ZNF2: variants seen among roughly 807,000 people sequenced by gnomAD.
ZNF2 encodes zinc finger protein 2.
In ZNF2, 12 loss-of-function variants were observed where a neutral mutation model predicts 21.9. The observed-to-expected ratio is 0.55, with a 90% CI of 0.35 to 0.89. ZNF2 has a LOEUF of 0.89. ZNF2 is among the 40% of genes least tolerant of loss of function. The pLI, the probability that ZNF2 is intolerant of heterozygous loss-of-function variation, is 0.01. For missense variants in ZNF2, 462 were observed against 544.2 expected, an observed-to-expected ratio of 0.85 and a Z score of 1.50; for synonymous variants, 186 against 196.3, an observed-to-expected ratio of 0.95 and a Z score of 0.44.
intron 1 of ZNF2, among the ~76,000 whole-genome samples, chr2:95,167,117 G>A (rs770342148): frequency 4.5e-4 from 68 of 152,200 alleles, no homozygotes; most frequent in Non-Finnish European, 8.1e-4. Flanking sequence ...AGCAATTTTA[G>A]TGGTTGGAAG....
In ZNF2 at chr2:95,176,150, C is replaced by T. The variant is rs1674434159; in HGVS notation, c.-39-38C>T. On this transcript the variant is annotated intron_variant, in intron 1 of 4. Coordinates refer to ENST00000614034, the MANE Select transcript of ZNF2 (RefSeq NM_021088.4). Reference sequence around the variant, plus strand: ...ACTATGCGACAGGACTGGTCTTTCTCCTACCTTCTTTCTCACCCCCCACTT... The same window carrying T: ...ACTATGCGACAGGACTGGTCTTTCTTCTACCTTCTTTCTCACCCCCCACTT... 34 of 1,582,130 alleles carry T rather than the reference C, an allele frequency of 2.1e-5. 3 individuals are homozygous for T. The South Asian group carries it at 3.5e-4, about 16-fold the overall frequency.
intron 2 of ZNF2, 23 bp downstream of exon 2, chr2:95,176,282 C>T (rs1674442440): frequency 1.9e-6 from 3 of 1,614,100 alleles, no homozygotes; most frequent in Non-Finnish European, 8.5e-7. Context: ...TTTGTGTTCC[C>T]GAAATACTCC....
intron 1 of ZNF2, among the ~76,000 whole-genome samples, chr2:95,171,519 AT>A (rs1674269921): frequency 6.6e-6 from 1 of 151,604 alleles, no homozygotes. Flanking sequence ...AGTAGCTGGG[AT>A]TACAGGTGCC....
chr2:95,169,447 AACCT>A (rs1257472996), intron 1 of ZNF2, among the ~76,000 whole-genome samples: 1 of 152,190 alleles, frequency 6.6e-6, no homozygotes, highest in Non-Finnish European at 1.5e-5. Flanking sequence ...CTTACATTTA[AACCT>A]ACTCTAAAAT....
rs114851784 is a variant in ZNF2, at chr2:95,180,220, G to A, written c.222G>A (p.Met74Ile). ...FQLKRGDKPW[M>I]VDLHGSEERE... ...TGAAGAGAGGGGACAAGCCGTGGATGGTAGATCTTCATGGGTCTGAGGAGA... is the reference window on the plus strand; with the variant it reads ...TGAAGAGAGGGGACAAGCCGTGGATAGTAGATCTTCATGGGTCTGAGGAGA... Residue 74 changes from methionine to isoleucine, a missense_variant, in exon 4 of 5, where the codon ATG (methionine) becomes ATA (isoleucine). Transcript: ENST00000614034. 1,257 of 1,614,132 alleles carry A rather than the reference G, an allele frequency of 7.8e-4. 7 individuals carry two copies. The African/African-American group carries it at 0.015, about 19-fold the overall frequency.
rs1395980055 is a variant in ZNF2 at position 95,182,527 on chromosome 2, A to G, written c.*421A>G. ...CCCCTCTCTTGGAGCATTTTGGGGC[A>G]CTAATCTTGTTCTCTTGTGTCCCAG... On this transcript the variant is annotated 3_prime_UTR_variant, in exon 5 of 5. Coordinates refer to ENST00000614034, the MANE Select transcript of ZNF2 (RefSeq NM_021088.4). 6.1e-6 allele frequency: 1 copy of G among 162,760 alleles called. No individual in the cohort carries two copies. Among genetic ancestry groups the G allele is most frequent in the Non-Finnish European group, 1.3e-5 (1 of 74,114 alleles). The allele number at this position is 162,760 out of a possible 1,614,324, so 10.1% of individuals were successfully genotyped here.
At chr2:95,169,838 C>T (rs531065555) in intron 1 of ZNF2, among the ~76,000 whole-genome samples, 1 of 152,250 alleles carries the variant, frequency 6.6e-6, no homozygotes, top group African/African-American at 2.4e-5. Context: ...TTACTTATTA[C>T]ATTACATTAG....
chr2:95,170,934 G>A (rs1247110619), intron 1 of ZNF2, among the ~76,000 whole-genome samples: 2 of 152,092 alleles, frequency 1.3e-5, no homozygotes, highest in Non-Finnish European at 2.9e-5. Flanking sequence ...ACTTATATGA[G>A]TAGATACAAG....
rs1358636352 is a variant in ZNF2, at chr2:95,182,868, C to G, written c.*762C>G. 1.3e-5 allele frequency: 2 copies of G among 152,166 alleles called. No individual in the cohort carries two copies. The highest frequency in any genetic ancestry group is 4.8e-5 in the African/African-American group (2 of 41,416). The allele number at this position is 152,166 out of a possible 1,614,324, so 9.4% of individuals were successfully genotyped here. ...TTATAATTTATGTATATGTATTATC[C>G]TCTCAACTAGATTGTAAGCACTTGG... On this transcript the variant is annotated 3_prime_UTR_variant, in exon 5 of 5. Transcript: ENST00000614034.
intron 1 of ZNF2, among the ~76,000 whole-genome samples, chr2:95,174,158 C>T (rs1445622257): frequency 6.6e-6 from 1 of 152,064 alleles, no homozygotes; most frequent in East Asian, 1.9e-4. Flanking sequence ...TAGGAAGTGC[C>T]CTGGAACATA....
intron 1 of ZNF2, among the ~76,000 whole-genome samples, chr2:95,167,627 C>G (rs1415547811): frequency 1.3e-5 from 2 of 151,348 alleles, no homozygotes; most frequent in Non-Finnish European, 2.9e-5. Context: ...GTGGGCAGAT[C>G]ACTTGACGTC....
chr2:95,181,950 C>A lies in ZNF2; in HGVS notation c.1122C>A (p.Cys374Ter). 1 of 1,614,264 alleles carries A rather than the reference C, an allele frequency of 6.2e-7. No individual in the cohort carries two copies. The highest frequency in any genetic ancestry group is 8.5e-7 in the Non-Finnish European group (1 of 1,180,042). ...ACAAGCCATATGAATGCAGCGAATG[C>A]GGGAAAGCCTTTAGCCAGCGGTGCC... ...TGDKPYECSE[C>*]GKAFSQRCRL... Residue 374 changes from cysteine (C) to a stop codon, truncating the protein, a stop_gained, in exon 5 of 5, where the codon TGC becomes TGA. Coordinates refer to ENST00000614034, the MANE Select transcript of ZNF2 (RefSeq NM_021088.4). LOFTEE classifies it high-confidence loss of function.
chr2:95,177,464 A>G lies in ZNF2; in HGVS notation c.34-19A>G. On this transcript the variant is annotated intron_variant, in intron 2 of 4. Coordinates refer to ENST00000614034, the MANE Select transcript of ZNF2 (RefSeq NM_021088.4). ...AAGAGAAGGATTAAGAGTAAGGGAGAATGTGATTGTATTTTCAGGAATCAG... is the reference window on the plus strand; with the variant it reads ...AAGAGAAGGATTAAGAGTAAGGGAGGATGTGATTGTATTTTCAGGAATCAG... The G allele has an allele frequency of 6.2e-7, 1 of 1,612,164 alleles. No homozygotes were observed. Among genetic ancestry groups the G allele is most frequent in the Non-Finnish European group, 8.5e-7 (1 of 1,178,988 alleles).
chr2:95,166,610 A>G (rs1202709918), intron 1 of ZNF2, among the ~76,000 whole-genome samples: 2 of 152,140 alleles, frequency 1.3e-5, no homozygotes, highest in Admixed American at 6.5e-5. Context: ...TTAGGAATGT[A>G]TGGTAGTTTT....
chr2:95,166,600 T>A (rs1674051173), intron 1 of ZNF2, among the ~76,000 whole-genome samples: 1 of 152,146 alleles, frequency 6.6e-6, no homozygotes, highest in Non-Finnish European at 1.5e-5. Context: ...AGAGAGCTAC[T>A]TAGGAATGTA....
At chr2:95,166,362 AGATTTGAGCTGGAGATAGT>A (rs1281892155) in intron 1 of ZNF2, among the ~76,000 whole-genome samples, 1 of 152,140 alleles carries the variant, frequency 6.6e-6, no homozygotes, top group East Asian at 1.9e-4. Flanking sequence ...AGCGTTAGGC[AGATTTGAGCTGGAGATAGT>A]TTTTACAGAA....
intron 2 of ZNF2, among the ~76,000 whole-genome samples, chr2:95,176,496 G>A (rs1291152758): frequency 6.6e-6 from 1 of 152,198 alleles, no homozygotes; most frequent in Admixed American, 6.5e-5. Context: ...CACTGTGAGT[G>A]ATTTTGCCTA....
intron 1 of ZNF2, among the ~76,000 whole-genome samples, chr2:95,171,312 G>A (rs1322010745): frequency 5.9e-5 from 9 of 151,648 alleles, no homozygotes; most frequent in Admixed American, 3.9e-4. Flanking sequence ...GGTAACCCGG[G>A]CGTCATCTTT....
intron 1 of ZNF2, among the ~76,000 whole-genome samples, chr2:95,167,134 T>C (rs1385375592): frequency 3.3e-5 from 5 of 152,156 alleles, no homozygotes; most frequent in Non-Finnish European, 5.9e-5. Flanking sequence ...GAAGAAAAGC[T>C]AGTGCAGTAT....
Sources: allele counts gnomAD v4.1 joint callset (sites outside exome capture counted in the v4.1 genomes callset), GRCh38; gene constraint gnomAD v4.1.1; transcripts MANE v1.5; gene names NCBI Gene and HGNC (gene_info 2026-07-23, HGNC 2026-07-21).